ST3GAL6: variants seen among roughly 807,000 people sequenced by gnomAD.
ST3GAL6 encodes type 2 lactosamine alpha-2,3-sialyltransferase.
A neutral mutation model predicts 40.5 loss-of-function variants in ST3GAL6; 31 were observed. The ratio of observed to expected loss-of-function variants is 0.77; its 90% CI spans 0.58 to 1.03. The LOEUF (loss-of-function observed/expected upper bound fraction) is 1.03. ST3GAL6 is among the 50% of genes least tolerant of loss of function. The pLI, the probability that ST3GAL6 is intolerant of heterozygous loss-of-function variation, is 0.00. For synonymous variants in ST3GAL6, 129 were observed against 136.9 expected (o/e 0.94, Z 0.40); for missense variants, 357 against 393.2 (o/e 0.91, Z 0.78).
intron 1 of ST3GAL6, among the ~76,000 whole-genome samples, chr3:98,755,391 C>A (rs752218195): frequency 3.3e-5 from 5 of 152,084 alleles, no homozygotes; most frequent in Non-Finnish European, 5.9e-5. Context: ...GAAAATGCAG[C>A]TAAATTGTGT....
intron 1 of ST3GAL6, chr3:98,733,010 G>A (rs1258461125): frequency 1.4e-6 from 2 of 1,451,894 alleles, no homozygotes; most frequent in East Asian, 2.8e-5. Flanking sequence ...TGCACTGCCC[G>A]GGTGAGGGAA....
intron 3 of ST3GAL6, among the ~76,000 whole-genome samples, chr3:98,771,838 C>G (rs1939031514): frequency 6.6e-6 from 1 of 152,106 alleles, no homozygotes; most frequent in South Asian, 2.1e-4. Flanking sequence ...GTGTTTTAAA[C>G]TTTTTTGAAC....
chr3:98,788,547 T>C (rs1411628360), intron 8 of ST3GAL6, 84 bp downstream of exon 8: 3 of 1,290,630 alleles, frequency 2.3e-6, no homozygotes, highest in African/African-American at 3.0e-5. Context: ...AGAAACTGTA[T>C]GAGAACCACA....
intron 4 of ST3GAL6, 38 bp downstream of exon 4, chr3:98,772,954 G>A (rs200265436): frequency 5.7e-5 from 78 of 1,359,194 alleles, no homozygotes; most frequent in Non-Finnish European, 7.9e-5. Context: ...TGTTAAATTT[G>A]AGTGGTGTTT....
chr3:98,746,673 G>T (rs1021021630), intron 1 of ST3GAL6, among the ~76,000 whole-genome samples: 37 of 151,822 alleles, frequency 2.4e-4, no homozygotes, highest in African/African-American at 8.7e-4. Context: ...ATTTTTGTCA[G>T]TGAAAACAAA....
chr3:98,792,903 G>A (rs1298041890), intron 9 of ST3GAL6, among the ~76,000 whole-genome samples: 1 of 151,976 alleles, frequency 6.6e-6, no homozygotes, highest in Non-Finnish European at 1.5e-5. Flanking sequence ...CAAGTGATGG[G>A]ATTAAAATGT....
chr3:98,762,989 G>T (rs545390034), upstream of ST3GAL6: 11 of 985,280 alleles, frequency 1.1e-5, no homozygotes, highest in Non-Finnish European at 1.3e-5. Flanking sequence ...CTGATCTCAC[G>T]CATTTGGACT....
At chr3:98,791,390 G>A (rs926962701) in intron 8 of ST3GAL6, among the ~76,000 whole-genome samples, 9 of 152,136 alleles carry the variant, frequency 5.9e-5, no homozygotes, top group East Asian at 1.9e-4. Context: ...ATTCGAAGGC[G>A]AATTTATATG....
rs907502015 is a variant in ST3GAL6, at chr3:98,788,218, A to C, written c.614A>C (p.Lys205Thr). Reference protein sequence around the residue: ...RWLLELLMGDKINTNGFWKKP... With the variant: ...RWLLELLMGDTINTNGFWKKP... ...CTGTTGGAATTGTTGATGGGTGACA[A>C]AATAGTAAGTAGGCAAAATTGTTCT... The change falls in exon 7 of 10, where the codon AAA becomes ACA. Residue 205 changes from lysine to threonine, a missense_variant. By Grantham distance (78) the Lys-to-Thr change is moderately conservative (BLOSUM62 -1). Transcript: ENST00000483910. 6.2e-7 allele frequency: 1 copy of C among 1,607,012 alleles called. No individual in the cohort carries two copies. Among genetic ancestry groups the C allele is most frequent in the South Asian group, 1.1e-5 (1 of 89,686 alleles).
In ST3GAL6 at chr3:98,791,878, C is replaced by T. The variant is rs1471459597; in HGVS notation, c.794C>T (p.Thr265Ile). ...CCAACAACAGGAATTATTGCCATCA[C>T]ATTGGCGTTTTACATATGTCACGAA... ...KHPTTGIIAI[T>I]LAFYICHEVH... The change falls in exon 9 of 10, where the codon ACA (threonine) becomes ATA (isoleucine). Residue 265 changes from threonine (T) to isoleucine (I), a missense_variant. Physicochemically the swap from Thr to Ile is moderately conservative, Grantham distance 89. Transcript: ENST00000483910. 3 of 1,613,860 alleles carry T rather than the reference C, an allele frequency of 1.9e-6. No homozygotes were observed. The Admixed American group carries it at 5.0e-5, about 27-fold the overall frequency.
intron 6 of ST3GAL6, among the ~76,000 whole-genome samples, chr3:98,787,311 T>C (rs1940820266): frequency 1.3e-5 from 2 of 152,166 alleles, no homozygotes; most frequent in Non-Finnish European, 2.9e-5. Context: ...CTGTTCGTCT[T>C]ATATTACGTA....
chr3:98,748,227 G>C (rs1936711206), intron 1 of ST3GAL6, among the ~76,000 whole-genome samples: 1 of 152,144 alleles, frequency 6.6e-6, no homozygotes, highest in South Asian at 2.1e-4. Flanking sequence ...TACAGGTTGG[G>C]AATAAGGACC....
At chr3:98,732,871 A>G in intron 1 of ST3GAL6, 1 of 1,512,432 alleles carries the variant, frequency 6.6e-7, no homozygotes, top group Non-Finnish European at 8.8e-7. Flanking sequence ...CCGATGTGGC[A>G]GGCGCCGCGA....
At chr3:98,768,116 T>G (rs1166451399) in intron 1 of ST3GAL6, among the ~76,000 whole-genome samples, 1 of 152,214 alleles carries the variant, frequency 6.6e-6, no homozygotes, top group East Asian at 1.9e-4. Context: ...TGTGTAAAAT[T>G]TTATTCTGAA....
At chr3:98,763,844 A>G (rs1412684363) in intron 1 of ST3GAL6, among the ~76,000 whole-genome samples, 2 of 152,178 alleles carry the variant, frequency 1.3e-5, no homozygotes, top group Non-Finnish European at 2.9e-5. Flanking sequence ...ACCCAGCAGC[A>G]GGAACCCAGG....
chr3:98,793,452 T>C (rs998539837), intron 9 of ST3GAL6, among the ~76,000 whole-genome samples: 3 of 152,338 alleles, frequency 2.0e-5, no homozygotes, highest in East Asian at 1.9e-4. Flanking sequence ...GTCTTACTTA[T>C]GTGAGAGTTG....
At chr3:98,765,204 T>TACC (rs200866505) in intron 1 of ST3GAL6, among the ~76,000 whole-genome samples, 2,329 of 152,298 alleles carry the variant, frequency 0.015, 64 homozygotes, top group African/African-American at 0.054. Flanking sequence ...GACTTCAAGA[T>TACC]ACCAATGGAA....
Position 98,736,774 on chromosome 3 carries a change from G to C in ST3GAL6, c.-12+4242G>C, listed in dbSNP as rs574243584. On this transcript the variant is annotated intron_variant, in intron 1 of 9. Coordinates refer to the ST3GAL6 transcript ENST00000265261. Reference sequence around the variant, plus strand: ...CTCTTACAGAGCTTATGTTTTATGGGGGGCAGAGTCAAAAAATGAGTTACA... The same window carrying C: ...CTCTTACAGAGCTTATGTTTTATGGCGGGCAGAGTCAAAAAATGAGTTACA... Among the ~76,000 whole-genome samples, 13 of 152,268 alleles carry C rather than the reference G, an allele frequency of 8.5e-5. No individual in the cohort carries two copies. The South Asian group carries it at 2.3e-3, about 27-fold the overall frequency.
intron 1 of ST3GAL6, among the ~76,000 whole-genome samples, chr3:98,742,948 A>C (rs1263397113): frequency 7.6e-5 from 11 of 144,632 alleles, no homozygotes; most frequent in Non-Finnish European, 9.0e-5. Flanking sequence ...GATCTGCCCG[A>C]CTCAGCCTCC....
Sources: allele counts gnomAD v4.1 joint callset (sites outside exome capture counted in the v4.1 genomes callset), GRCh38; gene constraint gnomAD v4.1.1; transcripts MANE v1.5; gene names NCBI Gene and HGNC (gene_info 2026-07-23, HGNC 2026-07-21).